Variants in NTRK3 observed in about 807,000 individuals in gnomAD.
NTRK3 encodes the protein NT-3 growth factor receptor.
Under a neutral mutation model 91.7 loss-of-function variants are expected in NTRK3, and 24 were observed. The ratio of observed to expected loss-of-function variants is 0.26; its 90% CI spans 0.19 to 0.37. NTRK3 has a LOEUF of 0.37. NTRK3 is among the 10% of genes least tolerant of loss of function. NTRK3 has a pLI of 1.00. For synonymous variants in NTRK3, 483 were observed against 404.0 expected (o/e 1.20, Z -2.34); for missense variants, 880 against 1,068.9 (o/e 0.82, Z 2.46).
chr15:87,991,785 C>T (rs1308809840), intron 14 of NTRK3, among the ~76,000 whole-genome samples: 1 of 151,952 alleles, frequency 6.6e-6, no homozygotes, highest in Admixed American at 6.6e-5. Flanking sequence ...AATTTAGATC[C>T]CCACTTTAGC....
intron 17 of NTRK3, among the ~76,000 whole-genome samples, chr15:87,910,867 G>A (rs1207931107): frequency 6.6e-6 from 1 of 152,156 alleles, no homozygotes; most frequent in Admixed American, 6.5e-5. Flanking sequence ...TTCAGGAAGG[G>A]TTAGACTTGA....
chr15:88,200,759 T>C (rs534494016), intron 3 of NTRK3, among the ~76,000 whole-genome samples: 17 of 152,290 alleles, frequency 1.1e-4, no homozygotes, highest in African/African-American at 4.1e-4. Flanking sequence ...CAGTTCTTTA[T>C]AGCAGTGGGA....
chr15:87,902,934 C>G (rs1055425908), intron 17 of NTRK3, among the ~76,000 whole-genome samples: 24 of 152,106 alleles, frequency 1.6e-4, no homozygotes, highest in African/African-American at 5.6e-4. Context: ...CCCTACATGT[C>G]TGCACCCAAA....
intron 3 of NTRK3, 85 bp from the exon 4 acceptor site, chr15:88,184,384 C>T: frequency 7.9e-7 from 1 of 1,266,866 alleles, no homozygotes; most frequent in Non-Finnish European, 1.1e-6. Flanking sequence ...TGGCTTTGAT[C>T]CCCGATGAGC....
intron 13 of NTRK3, among the ~76,000 whole-genome samples, chr15:88,085,442 T>A (rs2048412044): frequency 6.6e-6 from 1 of 152,128 alleles, no homozygotes; most frequent in Non-Finnish European, 1.5e-5. Flanking sequence ...ATGCCTACCA[T>A]CTGCCATGAG....
intron 13 of NTRK3, among the ~76,000 whole-genome samples, chr15:88,125,007 T>C (rs1444460707): frequency 6.6e-6 from 1 of 152,260 alleles, no homozygotes. Context: ...TGAGACAGGG[T>C]CTTTCTTTGT....
At chr15:88,112,536 C>CA (rs2051527605) in intron 13 of NTRK3, among the ~76,000 whole-genome samples, 2 of 151,824 alleles carry the variant, frequency 1.3e-5, no homozygotes, top group African/African-American at 4.8e-5. Context: ...CCTGCCACTG[C>CA]CAGTCTCTCT....
chr15:88,134,673 G>A (rs532386637), intron 10 of NTRK3, among the ~76,000 whole-genome samples: 14 of 152,330 alleles, frequency 9.2e-5, no homozygotes, highest in East Asian at 1.9e-4. Context: ...ACCCTGTGAC[G>A]TGCTTTATAT....
intron 13 of NTRK3, among the ~76,000 whole-genome samples, chr15:88,063,302 T>C (rs910278122): frequency 2.6e-5 from 4 of 152,250 alleles, no homozygotes; most frequent in African/African-American, 9.6e-5. Flanking sequence ...CACCAACTCA[T>C]GCAAGCATCA....
chr15:87,967,653 G>A lies in NTRK3; in HGVS notation c.1586-26900C>T, dbSNP rs1005793995. 8.5e-5 allele frequency among the ~76,000 whole-genome samples: 13 copies of A among 152,208 alleles called. No individual in the cohort carries two copies. The South Asian group carries it at 1.0e-3, about 12-fold the overall frequency. ...CAATGGGATTTTGTAAATCCTGTTC[G>A]TGCTGAGTCTCTTCAATCAACCAAT... On this transcript the variant is annotated intron_variant, in intron 14 of 18. Coordinates refer to ENST00000394480, the Ensembl canonical transcript of NTRK3.
rs143936488 is a variant in NTRK3 at position 88,131,800 on chromosome 15, GGAA to G, written c.1205-3069_1205-3067del. Among the ~76,000 whole-genome samples, 953 of 152,318 alleles carry G rather than the reference GGAA, an allele frequency of 6.3e-3. 10 individuals are homozygous for G. Among genetic ancestry groups the G allele is most frequent in the African/African-American group, 0.02 (820 of 41,568 alleles). ...TACATCCAGAAAGCACATAAGCTTTGGAAGAAGGAGACATCCTGACTCCTCTCT... is the reference window on the plus strand; with the variant it reads ...TACATCCAGAAAGCACATAAGCTTTGGAAGGAGACATCCTGACTCCTCTCT... On this transcript the variant is annotated intron_variant, in intron 10 of 18. Transcript: ENST00000394480.
intron 13 of NTRK3, among the ~76,000 whole-genome samples, chr15:88,068,846 G>T (rs147509335): frequency 6.6e-6 from 1 of 152,116 alleles, no homozygotes. Flanking sequence ...GGTTTGTCTC[G>T]ATGGGGAAGC....
In NTRK3 at chr15:88,130,161, C is replaced by T. The variant is rs2053665309; in HGVS notation, c.1205-1427G>A. 2.6e-5 allele frequency among the ~76,000 whole-genome samples: 4 copies of T among 152,162 alleles called. No individual in the cohort carries two copies. In the South Asian group the frequency reaches 8.3e-4, roughly 31 times the overall value. The stretch of plus-strand genomic sequence containing the variant: ...CCACCCAGTCTATGGTATTTCACTG[C>T]TGTGACATTCCTAGCAAACGAATAC... On this transcript the variant is annotated intron_variant, in intron 10 of 18. Coordinates refer to ENST00000394480, the Ensembl canonical transcript of NTRK3.
intron 5 of NTRK3, among the ~76,000 whole-genome samples, chr15:88,177,132 G>C (rs565297807): frequency 3.0e-4 from 46 of 152,290 alleles, no homozygotes; most frequent in African/African-American, 1.1e-3. Flanking sequence ...GAGAGAACAA[G>C]GGGAAAAGTA....
chr15:88,160,681 C>T (rs140183079), intron 5 of NTRK3, among the ~76,000 whole-genome samples: 8 of 152,294 alleles, frequency 5.3e-5, no homozygotes, highest in Non-Finnish European at 1.0e-4. Flanking sequence ...CTGGGGATCA[C>T]GTGAGGAACA....
chr15:88,213,376 T>C (rs1597988725), intron 3 of NTRK3, among the ~76,000 whole-genome samples: 2 of 152,058 alleles, frequency 1.3e-5, no homozygotes, highest in East Asian at 3.9e-4. Context: ...CTGAATAAAA[T>C]AAAGGCGGGA....
intron 13 of NTRK3, among the ~76,000 whole-genome samples, chr15:88,111,362 G>A (rs1283198731): frequency 1.3e-5 from 2 of 152,210 alleles, no homozygotes; most frequent in Non-Finnish European, 2.9e-5. Flanking sequence ...AAAGGGGTGG[G>A]AGAGTGGATT....
At chr15:88,074,207 C>T (rs1434842147) in intron 13 of NTRK3, among the ~76,000 whole-genome samples, 1 of 152,224 alleles carries the variant, frequency 6.6e-6, no homozygotes, top group Non-Finnish European at 1.5e-5. Context: ...GTATTATACT[C>T]AAAGTCATAC....
At chr15:88,164,473 A>G (rs1384768412) in intron 5 of NTRK3, among the ~76,000 whole-genome samples, 1 of 152,236 alleles carries the variant, frequency 6.6e-6, no homozygotes, top group African/African-American at 2.4e-5. Context: ...TGTCTTCATC[A>G]GAACTCTTCC....
Sources: allele counts gnomAD v4.1 joint callset (sites outside exome capture counted in the v4.1 genomes callset), GRCh38; gene constraint gnomAD v4.1.1; transcripts MANE v1.5; gene names NCBI Gene and HGNC (gene_info 2026-07-23, HGNC 2026-07-21).